The following PLAC8 variants were observed in gnomAD, a reference collection of about 807,000 sequenced individuals.
PLAC8 encodes placenta associated 8.
Under a neutral mutation model 12.6 loss-of-function variants are expected in PLAC8, and 6 were observed. The observed-to-expected ratio is 0.48, with a 90% CI of 0.26 to 0.94. PLAC8 has a LOEUF of 0.94. Ranked by LOEUF, PLAC8 falls within the 40% of genes least tolerant of loss-of-function variation. The pLI is 0.14. For synonymous variants in PLAC8, 54 were observed against 52.6 expected, an observed-to-expected ratio of 1.03 and a Z score of -0.11; for missense variants, 122 against 152.7, an observed-to-expected ratio of 0.80 and a Z score of 1.06.
chr4:83,100,173 T>C lies in PLAC8; in HGVS notation c.243+4723A>G, dbSNP rs192277567. Among the ~76,000 whole-genome samples the C allele has an allele frequency of 4.7e-3, 698 of 149,708 alleles. 8 individuals are homozygous for C. The highest frequency in any genetic ancestry group is 0.016 in the African/African-American group (655 of 40,450). On this transcript the variant is annotated intron_variant, in intron 3 of 4. Coordinates refer to ENST00000311507, the MANE Select transcript of PLAC8 (RefSeq NM_016619.3). The stretch of plus-strand genomic sequence containing the variant: ...GCGGGCTCCTGTAGTCCCAGCTACT[T>C]GGGAGGCTGAGGCAGGAGAATGGCG...
In PLAC8 at chr4:83,090,058, T is replaced by C. The variant is rs1731769692; in HGVS notation, c.*923A>G. Reference sequence around the variant, plus strand: ...GTTATCTGTAGTCTATTTTTTTTTTTTCTCATCTAAAGTTCTTAGATGAAA... The same window carrying C: ...GTTATCTGTAGTCTATTTTTTTTTTCTCTCATCTAAAGTTCTTAGATGAAA... On this transcript the variant is annotated 3_prime_UTR_variant, in exon 5 of 5. Coordinates refer to ENST00000311507, the MANE Select transcript of PLAC8 (RefSeq NM_016619.3). 1 of 152,008 alleles carries C rather than the reference T, an allele frequency of 6.6e-6. No homozygotes were observed. Among genetic ancestry groups the C allele is most frequent in the East Asian group, 1.9e-4 (1 of 5,180 alleles). The allele number at this position is 152,008 out of a possible 1,614,324, so 9.4% of individuals were successfully genotyped here.
chr4:83,106,489 G>A lies in PLAC8; in HGVS notation c.118+1315C>T, dbSNP rs1299786201. ...AAAAATTGGCTGGGTGTGGTTGTGC[G>A]TGCCTGTAACCCCAGCTACTCGGAG... On this transcript the variant is annotated intron_variant, in intron 2 of 4. Coordinates refer to ENST00000311507, the MANE Select transcript of PLAC8 (RefSeq NM_016619.3). Among the ~76,000 whole-genome samples, 12 of 151,942 alleles carry A rather than the reference G, an allele frequency of 7.9e-5. No individual in the cohort carries two copies. The East Asian group carries it at 1.8e-3, about 22-fold the overall frequency.
intron 3 of PLAC8, among the ~76,000 whole-genome samples, chr4:83,102,785 A>T (rs947121033): frequency 6.6e-6 from 1 of 152,170 alleles, no homozygotes; most frequent in African/African-American, 2.4e-5. Context: ...CTTATGGATG[A>T]GCAAAGAAAG....
chr4:83,095,354 C>A lies in PLAC8; in HGVS notation c.244-563G>T, dbSNP rs181753785. Among the ~76,000 whole-genome samples the A allele has an allele frequency of 3.9e-4, 60 of 152,166 alleles. 1 individual carries two copies. The East Asian group carries it at 0.011, about 27-fold the overall frequency. On this transcript the variant is annotated intron_variant, in intron 3 of 4. Transcript: ENST00000311507. ...GTGTTGAAGTTGTTGGGAAGAAATT[C>A]AGAAAACTGGCAAACAATTTGGGGT...
intron 1 of PLAC8, among the ~76,000 whole-genome samples, chr4:83,113,874 A>C (rs991509003): frequency 1.3e-5 from 2 of 152,006 alleles, no homozygotes; most frequent in Non-Finnish European, 2.9e-5. Flanking sequence ...TTAAGAATCA[A>C]TCTTGTATTT....
At chr4:83,105,089 CT>C (rs906127499) in intron 2 of PLAC8, 69 bp from the exon 3 acceptor site, 175 of 1,594,650 alleles carry the variant, frequency 1.1e-4, no homozygotes, top group Non-Finnish European at 1.4e-4. Flanking sequence ...GTTTAGCTTG[CT>C]TTCACAAATG....
chr4:83,110,146 C>T (rs956829600), intron 1 of PLAC8, among the ~76,000 whole-genome samples: 1 of 152,178 alleles, frequency 6.6e-6, no homozygotes, highest in African/African-American at 2.4e-5. Flanking sequence ...TCCGGGCGCC[C>T]AGGCTCACCG....
intron 1 of PLAC8, 41 bp downstream of exon 1, chr4:83,114,625 G>A (rs1277347611): frequency 6.7e-6 from 1 of 150,276 alleles, no homozygotes; most frequent in Admixed American, 6.6e-5. Context: ...TTTTTTGAAT[G>A]CTAAGTTTTT....
At chr4:83,094,643 C>A (rs780175812) in intron 4 of PLAC8, 35 bp downstream of exon 4, 1 of 1,100,458 alleles carries the variant, frequency 9.1e-7, no homozygotes, top group African/African-American at 1.6e-5. Flanking sequence ...TCTAAAAACC[C>A]ACATGTTCTG....
rs188231405 is a variant in PLAC8, at chr4:83,093,187, G to T, written c.*9+1491C>A. 773 of 152,358 alleles carry T rather than the reference G, an allele frequency of 5.1e-3. 5 individuals are homozygous for T. The highest frequency in any genetic ancestry group is 5.5e-3 in the Non-Finnish European group (373 of 68,152). The allele number at this position is 152,358 out of a possible 1,614,324, so 9.4% of individuals were successfully genotyped here. On this transcript the variant is annotated intron_variant, in intron 4 of 4. Coordinates refer to ENST00000311507, the MANE Select transcript of PLAC8 (RefSeq NM_016619.3). ...CTTACTCCCTTGACCATCCTGCTGT[G>T]TGCCCTGGGAAGCGACCTGCGGACT...
chr4:83,103,063 G>C lies in PLAC8; in HGVS notation c.243+1833C>G, dbSNP rs376767624. On this transcript the variant is annotated intron_variant, in intron 3 of 4. Transcript: ENST00000311507. Reference sequence around the variant, plus strand: ...ATGGCGCCACTGCACTCCAGCCTGGGTGACAGAGCAAGACTCCCTTTAAAA... The same window carrying C: ...ATGGCGCCACTGCACTCCAGCCTGGCTGACAGAGCAAGACTCCCTTTAAAA... Among the ~76,000 whole-genome samples, 676 of 132,734 alleles carry C rather than the reference G, an allele frequency of 5.1e-3. 5 individuals are homozygous for C. Among genetic ancestry groups the C allele is most frequent in the African/African-American group, 0.017 (617 of 36,248 alleles). The allele number at this position is 132,734 out of a possible 152,430, so 87.1% of individuals were successfully genotyped here. A position where few individuals can be genotyped will look rare whatever the true frequency, so the allele number is the denominator to read the frequency against.
At chr4:83,104,804 A>T in intron 3 of PLAC8, 92 bp downstream of exon 3, 1 of 1,360,426 alleles carries the variant, frequency 7.4e-7, no homozygotes. Context: ...AATCAATTTC[A>T]GAAGATGTAT....
intron 3 of PLAC8, among the ~76,000 whole-genome samples, chr4:83,099,055 C>T (rs1732019623): frequency 6.6e-6 from 1 of 151,786 alleles, no homozygotes; most frequent in South Asian, 2.1e-4. Flanking sequence ...TCTAATATGA[C>T]TTAGTATATG....
Position 83,095,389 on chromosome 4 carries a change from C to T in PLAC8, c.244-598G>A, listed in dbSNP as rs186334731. 4.5e-3 allele frequency among the ~76,000 whole-genome samples: 691 copies of T among 152,204 alleles called. 3 individuals carry two copies. The highest frequency in any genetic ancestry group is 6.6e-3 in the Non-Finnish European group (450 of 68,012). On this transcript the variant is annotated intron_variant, in intron 3 of 4. Coordinates refer to ENST00000311507, the MANE Select transcript of PLAC8 (RefSeq NM_016619.3). The stretch of plus-strand genomic sequence containing the variant: ...GCAAACAATTTGGGGTTAAAGGACT[C>T]ATAAGTAAATAGAGGAAAAATACTA...
intron 3 of PLAC8, among the ~76,000 whole-genome samples, chr4:83,098,929 T>C (rs1732015999): frequency 2.0e-5 from 3 of 152,100 alleles, no homozygotes; most frequent in Admixed American, 2.0e-4. Context: ...AAATGGCTTA[T>C]TTGGTACAAA....
chr4:83,106,808 C>G (rs754204940), intron 2 of PLAC8, among the ~76,000 whole-genome samples: 3 of 152,294 alleles, frequency 2.0e-5, no homozygotes, highest in Non-Finnish European at 4.4e-5. Flanking sequence ...AACTAAGCAC[C>G]TTGCTCCTCG....
intron 1 of PLAC8, among the ~76,000 whole-genome samples, chr4:83,112,857 A>G (rs1427539390): frequency 1.3e-5 from 2 of 152,252 alleles, no homozygotes; most frequent in African/African-American, 4.8e-5. Flanking sequence ...AGCCTTAGCC[A>G]TTCAAGGTAA....
chr4:83,106,387 G>A (rs1732241211), intron 2 of PLAC8, among the ~76,000 whole-genome samples: 2 of 152,022 alleles, frequency 1.3e-5, no homozygotes, highest in African/African-American at 4.8e-5. Flanking sequence ...GAAGGCCGAG[G>A]TGGGCAGATC....
intron 3 of PLAC8, among the ~76,000 whole-genome samples, chr4:83,103,395 A>G (rs564923173): frequency 2.0e-5 from 3 of 152,290 alleles, no homozygotes; most frequent in Non-Finnish European, 4.4e-5. Context: ...CTCCATCTCA[A>G]CAAAGAAAGA....
Sources: gnomAD v4.1 joint callset for allele counts (sites outside exome capture counted in the v4.1 genomes callset) on GRCh38, gnomAD v4.1.1 for gene constraint, MANE v1.5 for transcripts, NCBI Gene and HGNC (gene_info 2026-07-23, HGNC 2026-07-21) for gene names.